The following SH3GL2 variants were observed in gnomAD, a reference collection of about 807,000 sequenced individuals.
The protein encoded by SH3GL2 is SH3 domain containing GRB2 like 2, endophilin A1.
In SH3GL2, 24 loss-of-function variants were observed where a neutral mutation model predicts 46.0. That is an observed-to-expected ratio of 0.52 (90% confidence interval 0.38 to 0.73). SH3GL2 has a LOEUF of 0.73. SH3GL2 is among the 30% of genes least tolerant of loss of function. SH3GL2 has a pLI of 0.00. For missense variants in SH3GL2, 413 were observed against 424.2 expected, an observed-to-expected ratio of 0.97 and a Z score of 0.23; for synonymous variants, 196 against 147.1, an observed-to-expected ratio of 1.33 and a Z score of -2.40.
At chr9:17,694,470 A>T (rs1821156995) in intron 1 of SH3GL2, among the ~76,000 whole-genome samples, 1 of 152,182 alleles carries the variant, frequency 6.6e-6, no homozygotes, top group South Asian at 2.1e-4. Context: ...TAATACCCAG[A>T]TCGCTGGATT....
chr9:17,757,600 A>G (rs1040707335), intron 2 of SH3GL2, among the ~76,000 whole-genome samples: 1 of 152,210 alleles, frequency 6.6e-6, no homozygotes, highest in Non-Finnish European at 1.5e-5. Flanking sequence ...TTATAAGATG[A>G]GAAATTCTTG....
intron 1 of SH3GL2, among the ~76,000 whole-genome samples, chr9:17,597,300 T>G (rs1292264850): frequency 1.3e-5 from 2 of 152,294 alleles, no homozygotes; most frequent in East Asian, 3.9e-4. Context: ...GGCGGGCAGA[T>G]CACTTGAGTT....
chr9:17,720,971 C>T (rs1252653247), intron 1 of SH3GL2, among the ~76,000 whole-genome samples: 2 of 151,984 alleles, frequency 1.3e-5, no homozygotes, highest in African/African-American at 4.8e-5. Flanking sequence ...GAGCAGGGTA[C>T]GACTTGTGGC....
intron 3 of SH3GL2, 51 bp downstream of exon 3, chr9:17,761,560 T>G: frequency 9.3e-7 from 1 of 1,071,794 alleles, no homozygotes; most frequent in Non-Finnish European, 1.5e-6. Flanking sequence ...AACTTTTAGT[T>G]TCTCTTTGAT....
At chr9:17,684,800 A>C (rs1369466298) in intron 1 of SH3GL2, among the ~76,000 whole-genome samples, 3 of 152,110 alleles carry the variant, frequency 2.0e-5, no homozygotes, top group African/African-American at 7.2e-5. Flanking sequence ...TAACAGAATA[A>C]ACTGTCAACC....
intron 1 of SH3GL2, among the ~76,000 whole-genome samples, chr9:17,716,894 G>A (rs73645150): frequency 0.096 from 14,595 of 151,952 alleles, 2,297 homozygotes; most frequent in African/African-American, 0.33. Flanking sequence ...TTCATTTCTT[G>A]ACACTCATTC....
intron 1 of SH3GL2, among the ~76,000 whole-genome samples, chr9:17,744,567 A>G (rs61059053): frequency 0.025 from 3,734 of 152,094 alleles, 154 homozygotes; most frequent in African/African-American, 0.086. Context: ...GAGTCTTACT[A>G]CGTTGCCCAG....
chr9:17,750,248 A>G (rs1052235644), intron 2 of SH3GL2, among the ~76,000 whole-genome samples: 5 of 151,826 alleles, frequency 3.3e-5, no homozygotes, highest in South Asian at 4.2e-4. Flanking sequence ...TTGCCTTTCC[A>G]TAGTTTGTTT....
At chr9:17,773,349 A>G (rs9406712) in intron 3 of SH3GL2, among the ~76,000 whole-genome samples, 15,564 of 152,120 alleles carry the variant, frequency 0.1, 883 homozygotes, top group Non-Finnish European at 0.11. Flanking sequence ...TTGTTGTTGC[A>G]TATGCCTTTG....
chr9:17,590,390 A>G (rs2134546099), intron 1 of SH3GL2: 1 of 152,336 alleles, frequency 6.6e-6, no homozygotes, highest in African/African-American at 2.4e-5. Context: ...ATAGCCTGTT[A>G]TCCAGAGATC....
intron 1 of SH3GL2, among the ~76,000 whole-genome samples, chr9:17,685,522 A>G (rs1035939928): frequency 6.6e-6 from 1 of 152,062 alleles, no homozygotes; most frequent in African/African-American, 2.4e-5. Flanking sequence ...CCATCACAGG[A>G]TCCATTATTA....
At chr9:17,744,079 T>C (rs1358877025) in intron 1 of SH3GL2, among the ~76,000 whole-genome samples, 2 of 152,160 alleles carry the variant, frequency 1.3e-5, no homozygotes, top group East Asian at 1.9e-4. Context: ...GAGACAACAA[T>C]TGATTTGGGG....
At chr9:17,795,091 T>C (rs968085925) in intron 8 of SH3GL2, among the ~76,000 whole-genome samples, 35 of 152,234 alleles carry the variant, frequency 2.3e-4, no homozygotes, top group African/African-American at 8.2e-4. Context: ...GCATTCTCCA[T>C]GTAATTCACC....
rs1024531888 is a variant in SH3GL2 at position 17,579,123 on chromosome 9, A to T, written c.-120A>T. Reference sequence around the variant, plus strand: ...CGCTAGGCTCCGCGCCCTCGCGCCCATAGCCCCGGCGGCGGCACGACCAGA... The same window carrying T: ...CGCTAGGCTCCGCGCCCTCGCGCCCTTAGCCCCGGCGGCGGCACGACCAGA... On this transcript the variant is annotated 5_prime_UTR_variant, in exon 1 of 9. Transcript: ENST00000380607. 1 of 601,756 alleles carries T rather than the reference A, an allele frequency of 1.7e-6. No homozygotes were observed. The highest frequency in any genetic ancestry group is 2.6e-6 in the Non-Finnish European group (1 of 377,822). 37.3% of individuals were successfully genotyped at this position (601,756 alleles called of 1,614,324 possible). A position where few individuals can be genotyped will look rare whatever the true frequency, so the allele number is the denominator to read the frequency against.
chr9:17,624,147 C>T (rs563938576), intron 1 of SH3GL2, among the ~76,000 whole-genome samples: 3 of 152,288 alleles, frequency 2.0e-5, no homozygotes, highest in African/African-American at 7.2e-5. Context: ...TGATTAGATT[C>T]AGGGTGATGC....
At chr9:17,685,178 C>A (rs73645134) in intron 1 of SH3GL2, among the ~76,000 whole-genome samples, 2 of 151,864 alleles carry the variant, frequency 1.3e-5, no homozygotes, top group African/African-American at 2.4e-5. Context: ...TGGATGGAAT[C>A]AAGAGATTTA....
chr9:17,638,509 A>T (rs1588195664), intron 1 of SH3GL2, among the ~76,000 whole-genome samples: 1 of 152,210 alleles, frequency 6.6e-6, no homozygotes, highest in Admixed American at 6.5e-5. Context: ...TGAGGTGAAG[A>T]CTGGTTGGGA....
At chr9:17,728,257 A>G (rs942704103) in intron 1 of SH3GL2, among the ~76,000 whole-genome samples, 16 of 152,056 alleles carry the variant, frequency 1.1e-4, no homozygotes, top group Non-Finnish European at 1.5e-4. Flanking sequence ...CCTGAGGAAA[A>G]TTGATTTACT....
At chr9:17,718,900 G>C (rs1332442972) in intron 1 of SH3GL2, among the ~76,000 whole-genome samples, 2 of 152,048 alleles carry the variant, frequency 1.3e-5, no homozygotes, top group East Asian at 3.9e-4. Flanking sequence ...AAGGAGAATC[G>C]ATTTTCCTTC....
Sources: allele counts gnomAD v4.1 joint callset (sites outside exome capture counted in the v4.1 genomes callset), GRCh38; gene constraint gnomAD v4.1.1; transcripts MANE v1.5; gene names NCBI Gene and HGNC (gene_info 2026-07-23, HGNC 2026-07-21).